Variants in IL1RAPL1 observed in about 807,000 individuals in gnomAD.
The protein encoded by IL1RAPL1 is interleukin-1 receptor accessory protein-like 1.
Under a neutral mutation model 48.4 loss-of-function variants are expected in IL1RAPL1, and 3 were observed. That is an observed-to-expected ratio of 0.06 (90% confidence interval 0.03 to 0.16). The LOEUF is 0.16. IL1RAPL1 is among the 10% of genes least tolerant of loss of function. The pLI is 1.00. For missense variants in IL1RAPL1, 349 were observed against 530.6 expected (o/e 0.66, Z 3.36); for synonymous variants, 185 against 187.7 (o/e 0.99, Z 0.12).
chrX:29,107,354 TG>T (rs1928468941), intron 2 of IL1RAPL1, among the ~76,000 whole-genome samples: 1 of 112,404 alleles, frequency 8.9e-6, no homozygotes, highest in Non-Finnish European at 1.9e-5. Flanking sequence ...CTTTTCAAAT[TG>T]GAATGTTCTT....
intron 2 of IL1RAPL1, among the ~76,000 whole-genome samples, chrX:29,097,095 T>C (rs1928231657): frequency 1.8e-5 from 2 of 111,472 alleles, no homozygotes; most frequent in African/African-American, 6.5e-5. Context: ...GATCCAACAT[T>C]GATATGTTAA....
chrX:29,374,179 T>C (rs1322437922), intron 3 of IL1RAPL1, among the ~76,000 whole-genome samples: 1 of 105,825 alleles, frequency 9.4e-6, no homozygotes, highest in African/African-American at 3.4e-5. Context: ...ACCTTCCTCC[T>C]TGATTTTTTG....
intron 3 of IL1RAPL1, among the ~76,000 whole-genome samples, chrX:29,313,884 C>A (rs927872740): frequency 8.9e-6 from 1 of 111,953 alleles, no homozygotes; most frequent in Admixed American, 9.5e-5. Context: ...ATCTTGTAGA[C>A]ACTGTTTTCT....
intron 6 of IL1RAPL1, among the ~76,000 whole-genome samples, chrX:29,906,654 T>C (rs1035586501): frequency 2.8e-5 from 3 of 105,554 alleles, no homozygotes; most frequent in Non-Finnish European, 5.8e-5. Context: ...AGCCTCCCTG[T>C]CCTTGCTTCC....
intron 2 of IL1RAPL1, among the ~76,000 whole-genome samples, chrX:29,227,375 A>G (rs1931103662): frequency 9.0e-6 from 1 of 111,704 alleles, no homozygotes; most frequent in Admixed American, 9.5e-5. Context: ...CTTTTCATGA[A>G]TGAAGTTTTT....
chrX:29,084,083 G>C (rs996390888), intron 2 of IL1RAPL1, among the ~76,000 whole-genome samples: 1 of 111,650 alleles, frequency 9.0e-6, no homozygotes, highest in Admixed American at 9.5e-5. Context: ...TTGCATCTCA[G>C]CATTCACTTC....
At chrX:29,293,504 T>C (rs773950460) in intron 3 of IL1RAPL1, among the ~76,000 whole-genome samples, 1 of 111,657 alleles carries the variant, frequency 9.0e-6, no homozygotes, top group African/African-American at 3.3e-5. Context: ...GATAGAGTAC[T>C]GGAAAAGATA....
chrX:29,170,484 TTC>T (rs1929886256), intron 2 of IL1RAPL1, among the ~76,000 whole-genome samples: 1 of 111,950 alleles, frequency 8.9e-6, no homozygotes, highest in African/African-American at 3.2e-5. Context: ...GTTTTTCTGT[TTC>T]TCTTTCTTAG....
chrX:28,713,582 G>A (rs1935466491), intron 1 of IL1RAPL1, among the ~76,000 whole-genome samples: 2 of 111,045 alleles, frequency 1.8e-5, no homozygotes, highest in Non-Finnish European at 3.8e-5. Context: ...ACTTACAGCA[G>A]GAAGGATTGG....
intron 6 of IL1RAPL1, among the ~76,000 whole-genome samples, chrX:29,845,482 G>A (rs1007648548): frequency 9.0e-6 from 1 of 111,588 alleles, no homozygotes; most frequent in Non-Finnish European, 1.9e-5. Flanking sequence ...CTGAAATGTA[G>A]TGTTTCTGGG....
intron 6 of IL1RAPL1, among the ~76,000 whole-genome samples, chrX:29,697,204 C>T (rs943031205): frequency 2.7e-5 from 3 of 111,848 alleles, no homozygotes; most frequent in African/African-American, 6.5e-5. Context: ...GGTAAAATGT[C>T]GACCCTTTCT....
At chrX:28,892,319 G>T (rs1019481680) in intron 2 of IL1RAPL1, among the ~76,000 whole-genome samples, 27 of 106,715 alleles carry the variant, frequency 2.5e-4, no homozygotes, top group Non-Finnish European at 3.3e-4. Context: ...AGGAGTGGGG[G>T]TCAGAAGGTG....
At chrX:29,497,544 G>A (rs1333960816) in intron 5 of IL1RAPL1, among the ~76,000 whole-genome samples, 1 of 110,770 alleles carries the variant, frequency 9.0e-6, no homozygotes, top group East Asian at 2.8e-4. Flanking sequence ...TTTCAGCACT[G>A]TCAGTTTTCT....
chrX:29,248,648 A>G (rs894657986), intron 2 of IL1RAPL1, among the ~76,000 whole-genome samples: 7 of 112,003 alleles, frequency 6.2e-5, no homozygotes, highest in Admixed American at 1.9e-4. Flanking sequence ...CATTTTACCC[A>G]TCGGATTAAC....
At chrX:28,792,567 C>CA (rs1334432637) in intron 2 of IL1RAPL1, among the ~76,000 whole-genome samples, 6 of 105,358 alleles carry the variant, frequency 5.7e-5, no homozygotes, top group African/African-American at 2.1e-4. Context: ...GCGGGCAGAT[C>CA]ACGAGGTCAG....
intron 6 of IL1RAPL1, among the ~76,000 whole-genome samples, chrX:29,775,683 T>G (rs772918990): frequency 9.0e-6 from 1 of 111,358 alleles, no homozygotes; most frequent in Non-Finnish European, 1.9e-5. Context: ...AGGGAACACT[T>G]CTCTGAGAAA....
intron 6 of IL1RAPL1, among the ~76,000 whole-genome samples, chrX:29,859,632 A>T (rs941555920): frequency 2.7e-5 from 3 of 112,318 alleles, no homozygotes; most frequent in Non-Finnish European, 5.6e-5. Flanking sequence ...CTTTTTTATG[A>T]AATGTGTTAA....
chrX:29,233,307 T>A (rs763714675), intron 2 of IL1RAPL1, among the ~76,000 whole-genome samples: 2 of 111,129 alleles, frequency 1.8e-5, no homozygotes, highest in African/African-American at 3.3e-5. Flanking sequence ...AGGATCCTGC[T>A]GGACATCACT....
intron 2 of IL1RAPL1, among the ~76,000 whole-genome samples, chrX:29,129,964 T>C (rs1304041505): frequency 9.0e-6 from 1 of 111,567 alleles, no homozygotes; most frequent in East Asian, 2.8e-4. Flanking sequence ...TCATATTTTC[T>C]ATATTTATTT....
Sources: allele counts gnomAD v4.1 joint callset (sites outside exome capture counted in the v4.1 genomes callset), GRCh38; gene constraint gnomAD v4.1.1; transcripts MANE v1.5; gene names NCBI Gene and HGNC (gene_info 2026-07-23, HGNC 2026-07-21).